The following DOCK2 variants were observed in gnomAD, a reference collection of about 807,000 sequenced individuals.
DOCK2 encodes dedicator of cytokinesis protein 2.
Under a neutral mutation model 248.9 loss-of-function variants are expected in DOCK2, and 87 were observed. That is an observed-to-expected ratio of 0.35 (90% CI 0.29 to 0.42). The LOEUF (loss-of-function observed/expected upper bound fraction) is 0.42, where lower values mean the gene tolerates loss of function less well. Among genes scored for constraint, DOCK2 ranks in the 10% least tolerant of loss-of-function variants. The pLI, the probability that DOCK2 is intolerant of heterozygous loss-of-function variation, is 1.00. For missense variants in DOCK2, 1,747 were observed against 2,300.2 expected (o/e 0.76, Z 4.92); for synonymous variants, 805 against 821.6 (o/e 0.98, Z 0.35).
At chr5:169,774,600 AAAAGATTTACCC>A in intron 25 of DOCK2, among the ~76,000 whole-genome samples, 1 of 152,332 alleles carries the variant, frequency 6.6e-6, no homozygotes, top group East Asian at 1.9e-4. Flanking sequence ...ATTGGAGAAG[AAAAGATTTACCC>A]AAAGATCTCT....
intron 29 of DOCK2, among the ~76,000 whole-genome samples, chr5:169,993,982 G>A (rs1778273084): frequency 6.6e-6 from 1 of 152,176 alleles, no homozygotes; most frequent in African/African-American, 2.4e-5. Context: ...CATAGTCAAG[G>A]ACGTTACCAA....
intron 6 of DOCK2, among the ~76,000 whole-genome samples, chr5:169,676,894 C>A (rs1650359616): frequency 6.6e-6 from 1 of 152,160 alleles, no homozygotes; most frequent in Non-Finnish European, 1.5e-5. Flanking sequence ...TAACAACAAT[C>A]AAAAAGCAAG....
At chr5:169,856,841 T>G (rs1770925309) in intron 27 of DOCK2, among the ~76,000 whole-genome samples, 1 of 152,218 alleles carries the variant, frequency 6.6e-6, no homozygotes, top group African/African-American at 2.4e-5. Flanking sequence ...GCAGTGTGTC[T>G]GCTACCTGGG....
At chr5:169,879,704 T>A (rs1772527881) in intron 27 of DOCK2, among the ~76,000 whole-genome samples, 1 of 152,204 alleles carries the variant, frequency 6.6e-6, no homozygotes, top group South Asian at 2.1e-4. Flanking sequence ...ATATTGTCAC[T>A]TTTAATTCGG....
chr5:169,815,694 A>T (rs1009785908), intron 26 of DOCK2, among the ~76,000 whole-genome samples: 1 of 152,180 alleles, frequency 6.6e-6, no homozygotes, highest in Admixed American at 6.5e-5. Flanking sequence ...TTGATTACTG[A>T]GTTTTTTGGG....
chr5:169,738,628 G>C (rs953682860), intron 22 of DOCK2, among the ~76,000 whole-genome samples: 2 of 152,040 alleles, frequency 1.3e-5, no homozygotes, highest in African/African-American at 4.8e-5. Flanking sequence ...TTTCAACTCA[G>C]GTGCTTAAAA....
intron 27 of DOCK2, among the ~76,000 whole-genome samples, chr5:169,932,155 A>G (rs259895): frequency 0.11 from 16,475 of 152,236 alleles, 1,045 homozygotes; most frequent in African/African-American, 0.19. Flanking sequence ...TGGAGGTGAC[A>G]GAAGCCTATT....
chr5:169,732,425 AAC>A (rs1256384833), intron 22 of DOCK2, among the ~76,000 whole-genome samples: 3 of 152,174 alleles, frequency 2.0e-5, no homozygotes, highest in Non-Finnish European at 4.4e-5. Context: ...CTATGCAGGT[AAC>A]ACAGAAATCC....
At chr5:169,726,556 G>A (rs1318940725) in intron 22 of DOCK2, among the ~76,000 whole-genome samples, 1 of 152,114 alleles carries the variant, frequency 6.6e-6, no homozygotes, top group Non-Finnish European at 1.5e-5. Context: ...ATTGCTTTTG[G>A]TGTTTTAGTC....
At chr5:169,994,218 T>A (rs1778279191) in intron 29 of DOCK2, among the ~76,000 whole-genome samples, 1 of 152,072 alleles carries the variant, frequency 6.6e-6, no homozygotes, top group Admixed American at 6.5e-5. Context: ...GAGGCCTGGA[T>A]GGATATACAA....
At chr5:170,022,925 G>C (rs754334626) in intron 33 of DOCK2, among the ~76,000 whole-genome samples, 12 of 152,196 alleles carry the variant, frequency 7.9e-5, no homozygotes, top group Non-Finnish European at 1.3e-4. Flanking sequence ...GGCACAGGGA[G>C]GTGCATTCCA....
intron 14 of DOCK2, among the ~76,000 whole-genome samples, chr5:169,706,880 G>C (rs1321913859): frequency 1.3e-5 from 2 of 152,144 alleles, no homozygotes; most frequent in African/African-American, 4.8e-5. Flanking sequence ...CTTTCCCCAG[G>C]TTAGCATGGT....
At chr5:169,761,349 A>AT in intron 24 of DOCK2, 170 bp from the exon 25 acceptor site, 1 of 622,716 alleles carries the variant, frequency 1.6e-6, no homozygotes, top group South Asian at 2.0e-5. Context: ...CTAATATTCT[A>AT]TACCAAGAAC....
intron 27 of DOCK2, among the ~76,000 whole-genome samples, chr5:169,847,967 G>C (rs1227683217): frequency 6.6e-6 from 1 of 152,150 alleles, no homozygotes. Context: ...CTTTAAAAAA[G>C]CTGTGGTATA....
intron 27 of DOCK2, among the ~76,000 whole-genome samples, chr5:169,854,835 T>C (rs1423354053): frequency 6.6e-6 from 1 of 152,222 alleles, no homozygotes; most frequent in Non-Finnish European, 1.5e-5. Flanking sequence ...CTGGTGGAGA[T>C]GAGCATGAGA....
chr5:169,662,537 T>C (rs765941532), intron 2 of DOCK2, among the ~76,000 whole-genome samples: 1 of 152,196 alleles, frequency 6.6e-6, no homozygotes, highest in African/African-American at 2.4e-5. Context: ...GGGTAATTTA[T>C]GAAGAAAAGA....
intron 14 of DOCK2, among the ~76,000 whole-genome samples, 163 bp from the exon 15 acceptor site, chr5:169,708,006 C>T (rs963069705): frequency 6.6e-6 from 1 of 152,206 alleles, no homozygotes; most frequent in African/African-American, 2.4e-5. Flanking sequence ...CTGTGTAAAT[C>T]TGTAATAGAG....
In DOCK2 at chr5:170,082,946, G is replaced by A; in HGVS notation, c.*88G>A. 6.4e-7 allele frequency: 1 copy of A among 1,551,170 alleles called. No homozygotes were observed. The highest frequency in any genetic ancestry group is 8.9e-7 in the Non-Finnish European group (1 of 1,128,134). On this transcript the variant is annotated 3_prime_UTR_variant, in exon 52 of 52. Coordinates refer to ENST00000520908, the MANE Select transcript of DOCK2 (RefSeq NM_004946.3). ...ATGCGTGGAACATCGAAGCCTCAGA[G>A]AGTGGGAGACTGTCCCCATCAGTTG...
At chr5:169,643,041 C>T (rs1561899384) in intron 1 of DOCK2, among the ~76,000 whole-genome samples, 1 of 152,184 alleles carries the variant, frequency 6.6e-6, no homozygotes, top group African/African-American at 2.4e-5. Flanking sequence ...TATCACCACG[C>T]AACTCCAGAG....
Sources: gnomAD v4.1 joint callset for allele counts (sites outside exome capture counted in the v4.1 genomes callset) on GRCh38, gnomAD v4.1.1 for gene constraint, MANE v1.5 for transcripts, NCBI Gene and HGNC (gene_info 2026-07-23, HGNC 2026-07-21) for gene names.